The following SCAPER variants were observed in gnomAD, a reference collection of about 807,000 sequenced individuals.
The protein encoded by SCAPER is S phase cyclin A-associated protein in the endoplasmic reticulum.
Under a neutral mutation model 182.2 loss-of-function variants are expected in SCAPER, and 98 were observed. The observed-to-expected ratio is 0.54, with a 90% CI of 0.46 to 0.64. The LOEUF (loss-of-function observed/expected upper bound fraction) is 0.64, where lower values mean the gene tolerates loss of function less well. SCAPER is among the 30% of genes least tolerant of loss of function. The pLI is 0.00. For synonymous variants in SCAPER, 605 were observed against 564.6 expected (o/e 1.07, Z -1.01); for missense variants, 1,432 against 1,690.0 (o/e 0.85, Z 2.68).
chr15:76,776,919 T>C (rs373047928), intron 8 of SCAPER, among the ~76,000 whole-genome samples: 1 of 152,156 alleles, frequency 6.6e-6, no homozygotes, highest in South Asian at 2.1e-4. Context: ...TGAAAAAGTA[T>C]TGAAAAAATA....
chr15:76,802,436 C>G (rs1429781467), intron 6 of SCAPER, among the ~76,000 whole-genome samples: 1 of 152,186 alleles, frequency 6.6e-6, no homozygotes, highest in African/African-American at 2.4e-5. Context: ...AATGAAACCC[C>G]AGATCCAATC....
At chr15:76,544,171 A>G (rs2045036497) in intron 23 of SCAPER, among the ~76,000 whole-genome samples, 1 of 152,212 alleles carries the variant, frequency 6.6e-6, no homozygotes, top group Admixed American at 6.5e-5. Flanking sequence ...TAAAAAGACA[A>G]TAACAAGGAC....
intron 20 of SCAPER, among the ~76,000 whole-genome samples, chr15:76,673,422 T>C (rs2057163641): frequency 6.6e-6 from 1 of 152,170 alleles, no homozygotes. Flanking sequence ...AAATTTAAAC[T>C]GTTCTTGGTA....
At chr15:76,629,201 C>T (rs538658105) in intron 21 of SCAPER, among the ~76,000 whole-genome samples, 170 of 152,318 alleles carry the variant, frequency 1.1e-3, no homozygotes, top group African/African-American at 2.1e-3. Context: ...ATGTCATCTG[C>T]GAACAAAGAC....
At chr15:76,421,584 T>C (rs2046046111) in intron 26 of SCAPER, among the ~76,000 whole-genome samples, 1 of 152,270 alleles carries the variant, frequency 6.6e-6, no homozygotes, top group South Asian at 2.1e-4. Flanking sequence ...CTGTTTACTC[T>C]GATGGTAGTT....
At chr15:76,534,379 T>C (rs2043947107) in intron 23 of SCAPER, among the ~76,000 whole-genome samples, 1 of 152,176 alleles carries the variant, frequency 6.6e-6, no homozygotes, top group African/African-American at 2.4e-5. Flanking sequence ...GTCATAAGTG[T>C]TGTCATCAGT....
At chr15:76,620,575 A>G (rs2051938697) in intron 22 of SCAPER, among the ~76,000 whole-genome samples, 1 of 152,222 alleles carries the variant, frequency 6.6e-6, no homozygotes, top group African/African-American at 2.4e-5. Flanking sequence ...GTATCTTTTG[A>G]CAGGCAAGAA....
At chr15:76,780,177 T>C (rs891529632) in intron 8 of SCAPER, among the ~76,000 whole-genome samples, 2 of 152,200 alleles carry the variant, frequency 1.3e-5, no homozygotes, top group African/African-American at 4.8e-5. Context: ...CCCAACCAAA[T>C]ACTGCGCTTT....
rs947091739 is a variant in SCAPER at position 76,850,874 on chromosome 15, A to G, written c.195+6935T>C. On this transcript the variant is annotated intron_variant, in intron 4 of 31. Coordinates refer to ENST00000563290, the MANE Select transcript of SCAPER (RefSeq NM_020843.4). ...GACTCTGTCTCAAAAAAAAAAAAAA[A>G]AAAGAAAAAAAAAGAGAGAATATGG... Among the ~76,000 whole-genome samples, 27 of 151,550 alleles carry G rather than the reference A, an allele frequency of 1.8e-4. 1 individual carries two copies. The East Asian group carries it at 2.3e-3, about 13-fold the overall frequency.
intron 23 of SCAPER, among the ~76,000 whole-genome samples, chr15:76,542,398 CT>C: frequency 6.6e-6 from 1 of 152,052 alleles, no homozygotes; most frequent in South Asian, 2.1e-4. Context: ...TGGTGGCCAC[CT>C]GTAATCCCAG....
intron 24 of SCAPER, among the ~76,000 whole-genome samples, chr15:76,483,016 G>C (rs1301668205): frequency 6.6e-6 from 1 of 152,016 alleles, no homozygotes; most frequent in Non-Finnish European, 1.5e-5. Flanking sequence ...TATATGGAGA[G>C]GCAAAAGATC....
intron 4 of SCAPER, among the ~76,000 whole-genome samples, chr15:76,853,866 G>A (rs2071044227): frequency 6.6e-6 from 1 of 152,194 alleles, no homozygotes; most frequent in South Asian, 2.1e-4. Flanking sequence ...AGGAAGGGAG[G>A]AAGTCAAAAT....
At chr15:76,779,639 G>T (rs2063971104) in intron 8 of SCAPER, among the ~76,000 whole-genome samples, 1 of 151,736 alleles carries the variant, frequency 6.6e-6, no homozygotes, top group Non-Finnish European at 1.5e-5. Flanking sequence ...CTAGTTCTAT[G>T]CAAGCTATTC....
At chr15:76,693,301 T>A (rs2058478437) in intron 20 of SCAPER, among the ~76,000 whole-genome samples, 1 of 152,178 alleles carries the variant, frequency 6.6e-6, no homozygotes, top group South Asian at 2.1e-4. Flanking sequence ...AAGACCAACC[T>A]ATTTGGATGG....
At chr15:76,501,770 G>C (rs1329232267) in intron 24 of SCAPER, among the ~76,000 whole-genome samples, 1 of 152,256 alleles carries the variant, frequency 6.6e-6, no homozygotes, top group African/African-American at 2.4e-5. Flanking sequence ...GGGATGGAAA[G>C]ATTCTGGACA....
intron 20 of SCAPER, among the ~76,000 whole-genome samples, chr15:76,671,555 G>T (rs575077817): frequency 1.3e-5 from 2 of 152,186 alleles, no homozygotes; most frequent in African/African-American, 4.8e-5. Context: ...AGATCACAAG[G>T]TCAGGAGATT....
At position 76,701,743 on chromosome 15, in the gene SCAPER, A is replaced by G. The variant is rs769389030; in HGVS notation, c.2508+15T>C. The stretch of plus-strand genomic sequence containing the variant: ...ACTCAATAAACAATTGTAAATGAAC[A>G]AAAATAAAGTTTACCACTTCTTCAT... On this transcript the variant is annotated intron_variant, in intron 20 of 31. Transcript: ENST00000563290. 6.2e-7 allele frequency: 1 copy of G among 1,602,142 alleles called. No homozygotes were observed. The highest frequency in any genetic ancestry group is 1.7e-5 in the Admixed American group (1 of 59,974).
At chr15:76,585,209 T>C (rs1429269163) in intron 22 of SCAPER, among the ~76,000 whole-genome samples, 2 of 152,164 alleles carry the variant, frequency 1.3e-5, no homozygotes, top group African/African-American at 4.8e-5. Context: ...AGGTTAGAAA[T>C]GATTACTATA....
At chr15:76,583,159 T>C (rs1005602524) in intron 22 of SCAPER, among the ~76,000 whole-genome samples, 3 of 152,098 alleles carry the variant, frequency 2.0e-5, no homozygotes, top group Non-Finnish European at 4.4e-5. Flanking sequence ...GAGACCAGCC[T>C]GGCCAACATA....
Sources: gnomAD v4.1 joint callset for allele counts (sites outside exome capture counted in the v4.1 genomes callset) on GRCh38, gnomAD v4.1.1 for gene constraint, MANE v1.5 for transcripts, NCBI Gene and HGNC (gene_info 2026-07-23, HGNC 2026-07-21) for gene names.